Variants in PTPN2 observed in about 807,000 individuals in gnomAD.
PTPN2 encodes tyrosine-protein phosphatase non-receptor type 2.
PTPN2 carries 19 observed loss-of-function variants against 57.3 expected under a neutral mutation model. The observed-to-expected ratio is 0.33, with a 90% CI of 0.23 to 0.49. The LOEUF (loss-of-function observed/expected upper bound fraction) is 0.49, where lower values mean the gene tolerates loss of function less well. PTPN2 is among the 20% of genes least tolerant of loss of function. PTPN2 has a pLI of 0.99. For missense variants in PTPN2, 358 were observed against 501.1 expected, an observed-to-expected ratio of 0.71 and a Z score of 2.73; for synonymous variants, 153 against 164.9, an observed-to-expected ratio of 0.93 and a Z score of 0.55.
At chr18:12,860,538 A>C (rs2043767730) in intron 1 of PTPN2, among the ~76,000 whole-genome samples, 1 of 152,162 alleles carries the variant, frequency 6.6e-6, no homozygotes, top group Non-Finnish European at 1.5e-5. Context: ...CTGAGGTTGC[A>C]GTGAGCCGAG....
In PTPN2 at chr18:12,802,130, T is replaced by G; in HGVS notation, c.880A>C (p.Lys294Gln). 3.1e-6 allele frequency: 5 copies of G among 1,606,918 alleles called. No homozygotes were observed. Among genetic ancestry groups the G allele is most frequent in the Non-Finnish European group, 4.2e-6 (5 of 1,177,252 alleles). The change falls in exon 8 of 9, where the codon AAG becomes CAG. Residue 294 changes from lysine (K) to glutamine (Q), a missense_variant. Lys to Gln is a moderately conservative substitution (Grantham distance 53). This residue lies in a region of PTPN2 where 193 missense variants were observed against 315.4 expected (regional missense o/e 0.61). Transcript: ENST00000309660. ...TCAAAGGCAGGAGATAAGTCTTCCT[T>G]AGAAAGTTCTTTCCATCGTTTCTAG... ...SIQKRWKELS[K>Q]EDLSPAFDHS...
intron 2 of PTPN2, among the ~76,000 whole-genome samples, chr18:12,855,431 C>T (rs1037015676): frequency 3.3e-5 from 5 of 151,776 alleles, no homozygotes; most frequent in Admixed American, 1.3e-4. Context: ...AGGATGGGGA[C>T]GAAGGATTCG....
At chr18:12,839,743 G>A (rs1598826426) in intron 2 of PTPN2, among the ~76,000 whole-genome samples, 2 of 152,028 alleles carry the variant, frequency 1.3e-5, no homozygotes, top group South Asian at 4.1e-4. Context: ...ATGAAGAAAT[G>A]CAATACCCAA....
chr18:12,847,441 G>A (rs1251053456), intron 2 of PTPN2, among the ~76,000 whole-genome samples: 1 of 152,122 alleles, frequency 6.6e-6, no homozygotes, highest in African/African-American at 2.4e-5. Context: ...GGTATCTAAA[G>A]TCAGCTATCA....
At chr18:12,883,980 G>A (rs1434610375) in intron 1 of PTPN2, 93 bp downstream of exon 1, 2 of 1,173,886 alleles carry the variant, frequency 1.7e-6, no homozygotes, top group Non-Finnish European at 2.4e-6. Flanking sequence ...GGCTAGAGGC[G>A]AGAGGCGGGG....
downstream of PTPN2, chr18:12,788,275 TAA>T (rs1253783429): frequency 6.6e-6 from 1 of 152,424 alleles, no homozygotes; most frequent in Non-Finnish European, 1.5e-5. Context: ...CTGTATAACG[TAA>T]AACCAGAAAG....
intron 1 of PTPN2, among the ~76,000 whole-genome samples, chr18:12,874,997 G>A (rs1339308013): frequency 6.6e-6 from 1 of 152,128 alleles, no homozygotes; most frequent in Non-Finnish European, 1.5e-5. Context: ...CTGTTGATCT[G>A]TGACCTTACC....
intron 1 of PTPN2, among the ~76,000 whole-genome samples, chr18:12,869,452 C>T (rs569677877): frequency 6.6e-6 from 1 of 152,324 alleles, no homozygotes; most frequent in Admixed American, 6.5e-5. Context: ...TGAGCCATGG[C>T]GCCTGGTTTT....
intron 1 of PTPN2, among the ~76,000 whole-genome samples, chr18:12,860,011 A>G (rs1374056334): frequency 6.6e-6 from 1 of 151,830 alleles, no homozygotes; most frequent in Non-Finnish European, 1.5e-5. Flanking sequence ...AAATTTGGCC[A>G]GGTGTGGTGG....
chr18:12,812,572 C>T (rs1359316883), intron 7 of PTPN2, among the ~76,000 whole-genome samples: 1 of 152,008 alleles, frequency 6.6e-6, no homozygotes, highest in Non-Finnish European at 1.5e-5. Flanking sequence ...GCACTCCAGT[C>T]TGGGCAACAA....
intron 7 of PTPN2, among the ~76,000 whole-genome samples, chr18:12,808,671 C>G (rs2041781636): frequency 6.6e-6 from 1 of 152,168 alleles, no homozygotes; most frequent in African/African-American, 2.4e-5. Flanking sequence ...GTCCCAGCTA[C>G]TCGGGAGGCT....
chr18:12,864,917 C>A lies in PTPN2; in HGVS notation c.70-5663G>T, dbSNP rs192852207. ...AAGATTTTTTATATTCATCTAGCTA[C>A]TCTTCATTTCATAAGCAGTAACTGT... On this transcript the variant is annotated intron_variant, in intron 1 of 8. Transcript: ENST00000309660. Among the ~76,000 whole-genome samples the A allele has an allele frequency of 1.9e-4, 29 of 152,284 alleles. 1 individual carries two copies. In the East Asian group the frequency reaches 5.6e-3, roughly 29 times the overall value.
chr18:12,881,076 C>T (rs1316089299), intron 1 of PTPN2, among the ~76,000 whole-genome samples: 1 of 152,174 alleles, frequency 6.6e-6, no homozygotes, highest in Admixed American at 6.5e-5. Flanking sequence ...CGACTACTGC[C>T]CTGTGCTGCG....
intron 3 of PTPN2, among the ~76,000 whole-genome samples, chr18:12,833,785 A>T (rs756187463): frequency 2.0e-5 from 3 of 152,210 alleles, no homozygotes; most frequent in Non-Finnish European, 4.4e-5. Context: ...GCAATAGAAG[A>T]TCAGAAAGAA....
At chr18:12,882,474 A>G (rs931564317) in intron 1 of PTPN2, among the ~76,000 whole-genome samples, 3 of 152,212 alleles carry the variant, frequency 2.0e-5, no homozygotes, top group African/African-American at 4.8e-5. Context: ...AATTTCTTAA[A>G]CCAAAATGTT....
chr18:12,876,833 T>A (rs552536491), intron 1 of PTPN2, among the ~76,000 whole-genome samples: 1 of 152,364 alleles, frequency 6.6e-6, no homozygotes, highest in South Asian at 2.1e-4. Flanking sequence ...TCCCAGACAC[T>A]GTTTTAAAGG....
In PTPN2 at chr18:12,793,127, G is replaced by A; in HGVS notation, c.*1151C>T. On this transcript the variant is annotated 3_prime_UTR_variant, in exon 9 of 9. Transcript: ENST00000309660. ...TTTGTAACAACAATTTCAAGTTTAAGTAAGACAAATTAAACACTGAATGGA... is the reference window on the plus strand; with the variant it reads ...TTTGTAACAACAATTTCAAGTTTAAATAAGACAAATTAAACACTGAATGGA... 2 of 984,586 alleles carry A rather than the reference G, an allele frequency of 2.0e-6. No individual in the cohort carries two copies. Among genetic ancestry groups the A allele is most frequent in the Non-Finnish European group, 2.4e-6 (2 of 829,142 alleles). The allele number at this position is 984,586 out of a possible 1,614,324, so 61.0% of individuals were successfully genotyped here.
intron 1 of PTPN2, 102 bp downstream of exon 1, chr18:12,883,971 G>A (rs1365769605): frequency 6.5e-6 from 7 of 1,077,430 alleles, no homozygotes; most frequent in East Asian, 2.9e-5. Flanking sequence ...CGAGCGAGAG[G>A]CTAGAGGCGA....
intron 1 of PTPN2, among the ~76,000 whole-genome samples, chr18:12,878,299 AAAGT>A (rs571145760): frequency 3.1e-4 from 47 of 152,178 alleles, no homozygotes; most frequent in African/African-American, 1.1e-3. Flanking sequence ...ACTGGGTGAC[AAAGT>A]GAGACCCAGT....
Sources: gnomAD v4.1 joint callset for allele counts (sites outside exome capture counted in the v4.1 genomes callset) on GRCh38, gnomAD v4.1.1 for gene constraint, gnomAD v4.1.1 regional missense constraint, MANE v1.5 for transcripts, NCBI Gene and HGNC (gene_info 2026-07-23, HGNC 2026-07-21) for gene names.